Variants in IDUA observed in about 807,000 individuals in gnomAD.
The protein encoded by IDUA is iduronidase alpha-L-.
IDUA carries 65 observed loss-of-function variants against 68.9 expected under a neutral mutation model. The observed-to-expected ratio is 0.94, with a 90% CI of 0.77 to 1.16. The LOEUF (loss-of-function observed/expected upper bound fraction) is 1.16. IDUA is among the 50% of genes most tolerant of loss of function. IDUA has a pLI of 0.00. For synonymous variants in IDUA, 529 were observed against 433.6 expected (o/e 1.22, Z -2.73); for missense variants, 1,046 against 938.0 (o/e 1.12, Z -1.50).
At chr4:1,001,270 ACCCCTATCACCCAGGCCG>A (rs1715056674) in intron 4 of IDUA, 180 bp from the exon 5 acceptor site, 3 of 559,790 alleles carry the variant, frequency 5.4e-6, no homozygotes, top group Non-Finnish European at 9.8e-6. Context: ...CCCAGGCCGC[ACCCCTATCACCCAGGCCG>A]CCGCCCAGGT....
At chr4:991,778 C>G (rs777161361) in intron 2 of IDUA, 39 of 1,528,184 alleles carry the variant, frequency 2.6e-5, no homozygotes, top group Middle Eastern at 1.7e-4. Context: ...GGATCCAGGG[C>G]CAAACGACAA....
intron 2 of IDUA, chr4:991,255 T>C (rs759881156): frequency 1.2e-6 from 2 of 1,612,516 alleles, no homozygotes; most frequent in East Asian, 2.2e-5. Context: ...CAGGCCGTCC[T>C]GGGAGGGGTC....
chr4:999,003 A>C (rs111823514), intron 2 of IDUA, among the ~76,000 whole-genome samples: 9 of 152,094 alleles, frequency 5.9e-5, no homozygotes, highest in African/African-American at 2.2e-4. Context: ...AGGAAATGGA[A>C]ACCATCCTGG....
In IDUA at chr4:1,001,671, C is replaced by A; in HGVS notation, c.590-8C>A. ...GGCAGGTGTAGACGCAGTGCTCCCC[C>A]GGCCCAGGCTTCCTGAACTACTACG... On this transcript the variant is annotated splice_region_variant and splice_polypyrimidine_tract_variant and intron_variant, in intron 5 of 13. Coordinates refer to ENST00000514224, the MANE Select transcript of IDUA (RefSeq NM_000203.5). 6.2e-7 allele frequency: 1 copy of A among 1,601,500 alleles called. No individual in the cohort carries two copies. Among genetic ancestry groups the A allele is most frequent in the Non-Finnish European group, 8.5e-7 (1 of 1,178,360 alleles).
At chr4:991,503 C>G in intron 2 of IDUA, 1 of 1,609,658 alleles carries the variant, frequency 6.2e-7, no homozygotes, top group Non-Finnish European at 8.5e-7. Flanking sequence ...CTGCCAGGTA[C>G]TCCCGCGGGC....
chr4:1,001,957 G>T (rs1426403442), intron 6 of IDUA, 25 bp from the exon 7 acceptor site: 6 of 1,574,360 alleles, frequency 3.8e-6, no homozygotes, highest in Non-Finnish European at 5.2e-6. Context: ...TGACCCTGGT[G>T]GTGCTGAGGC....
rs376799065 is a variant in IDUA at position 996,108 on chromosome 4, C to A, written c.300-4504C>A. On this transcript the variant is annotated intron_variant, in intron 2 of 13. Coordinates refer to ENST00000514224, the MANE Select transcript of IDUA (RefSeq NM_000203.5). ...CTCCTCGAAGCCCCTGCCCTGTCCT[C>A]CAGAGTCTGAGCCCTTGCTTCCACC... 6.9e-4 allele frequency among the ~76,000 whole-genome samples: 105 copies of A among 152,368 alleles called. No individual in the cohort carries two copies. In the South Asian group the frequency reaches 0.012, roughly 18 times the overall value.
chr4:998,426 C>T (rs1366608224), intron 2 of IDUA, among the ~76,000 whole-genome samples: 4 of 152,140 alleles, frequency 2.6e-5, no homozygotes, highest in African/African-American at 4.8e-5. Flanking sequence ...GTGGTAACCC[C>T]ATCCCCCACC....
chr4:989,285 C>A, intron 2 of IDUA: 1 of 1,612,678 alleles, frequency 6.2e-7, no homozygotes, highest in Non-Finnish European at 8.5e-7. Context: ...AGGAAGAAGT[C>A]CTTGTTGGCA....
At chr4:1,001,362 G>A (rs1357626830) in intron 4 of IDUA, 106 bp from the exon 5 acceptor site, 3 of 943,860 alleles carry the variant, frequency 3.2e-6, no homozygotes, top group Non-Finnish European at 5.3e-6. Context: ...ATGGAGATGG[G>A]GTTCATCTTG....
chr4:990,011 G>A (rs779996742), intron 2 of IDUA: 4 of 1,577,072 alleles, frequency 2.5e-6, no homozygotes, highest in Middle Eastern at 1.7e-4. Flanking sequence ...TTGTGGAGCT[G>A]CCCGAAGTGC....
intron 2 of IDUA, chr4:988,798 G>C: frequency 6.6e-7 from 1 of 1,509,164 alleles, no homozygotes; most frequent in East Asian, 2.4e-5. Context: ...GGGTCCCCAG[G>C]AGGGAGCAGA....
chr4:987,328 G>A (rs1713811246), intron 1 of IDUA, 86 bp downstream of exon 1: 3 of 1,274,352 alleles, frequency 2.4e-6, no homozygotes, highest in East Asian at 2.8e-5. Flanking sequence ...GAGCTTCAGA[G>A]ACCGGAGCTC....
chr4:991,313 G>A, intron 2 of IDUA: 1 of 1,612,822 alleles, frequency 6.2e-7, no homozygotes, highest in Non-Finnish European at 8.5e-7. Context: ...CCCACCATGA[G>A]GCAAAGCAGG....
intron 2 of IDUA, chr4:992,003 G>C (rs1403124510): frequency 1.5e-6 from 1 of 662,222 alleles, no homozygotes; most frequent in African/African-American, 1.8e-5. Flanking sequence ...CAGTGCTGAG[G>C]GGCGGCGTGG....
chr4:987,741 CGTGT>C (rs1713849099), intron 1 of IDUA, 64 bp from the exon 2 acceptor site: 13 of 1,603,902 alleles, frequency 8.1e-6, no homozygotes, highest in Non-Finnish European at 9.4e-6. Context: ...TGGGCTTGAA[CGTGT>C]GTGTCAGCCG....
chr4:990,146 C>T, intron 2 of IDUA: 1 of 1,566,492 alleles, frequency 6.4e-7, no homozygotes, highest in Non-Finnish European at 8.6e-7. Flanking sequence ...GTGCTGGTGA[C>T]CACGTCGCAC....
chr4:991,115 C>T (rs1193523884), intron 2 of IDUA: 1 of 1,524,460 alleles, frequency 6.6e-7, no homozygotes, highest in Non-Finnish European at 8.8e-7. Flanking sequence ...TGTGCCCAAG[C>T]AGGGCTCCTC....
rs770701423 is a variant in IDUA, at chr4:989,831, A to G, written c.299+1882A>G. On this transcript the variant is annotated intron_variant, in intron 2 of 13. Transcript: ENST00000514224. ...AGCAGCTCCTGGTTGGCACGCACAG[A>G]GTAGCCGTGACTGCGGGCGAACATC... The G allele has an allele frequency of 5.1e-6, 8 of 1,580,452 alleles. No individual in the cohort carries two copies. Among genetic ancestry groups the G allele is most frequent in the Non-Finnish European group, 6.9e-6 (8 of 1,164,192 alleles).
Sources: allele counts gnomAD v4.1 joint callset (sites outside exome capture counted in the v4.1 genomes callset), GRCh38; gene constraint gnomAD v4.1.1; transcripts MANE v1.5; gene names NCBI Gene and HGNC (gene_info 2026-07-23, HGNC 2026-07-21).